The following DYM variants were observed in gnomAD, a reference collection of about 807,000 sequenced individuals.
The protein encoded by DYM is dyggve-Melchior-Clausen syndrome protein.
DYM carries 78 observed loss-of-function variants against 93.1 expected under a neutral mutation model. The observed-to-expected ratio is 0.84, with a 90% CI of 0.70 to 1.01. DYM has a LOEUF of 1.01. DYM is among the 50% of genes least tolerant of loss of function. The pLI, the probability that DYM is intolerant of heterozygous loss-of-function variation, is 0.00. For missense variants in DYM, 789 were observed against 845.0 expected, an observed-to-expected ratio of 0.93 and a Z score of 0.82; for synonymous variants, 321 against 319.7, an observed-to-expected ratio of 1.00 and a Z score of -0.04.
chr18:49,392,727 G>A lies in DYM; in HGVS notation c.141-1082C>T, dbSNP rs1313092718. On this transcript the variant is annotated intron_variant, in intron 2 of 17. Coordinates refer to ENST00000675505, the MANE Select transcript of DYM (RefSeq NM_001353214.3). ...AAAAAAAAAGAGGCCAGGCGAGGTG[G>A]GCTCACACCTGTAATCCCAGCACTT... Among the ~76,000 whole-genome samples the A allele has an allele frequency of 2.7e-5, 4 of 147,420 alleles. No homozygotes were observed. In the East Asian group the frequency reaches 8.0e-4, roughly 30 times the overall value.
intron 16 of DYM, among the ~76,000 whole-genome samples, chr18:49,107,422 C>T (rs111826203): frequency 9.9e-5 from 15 of 152,210 alleles, no homozygotes; most frequent in African/African-American, 2.2e-4. Context: ...AGTCATTCTC[C>T]GTCCAGCTTT....
chr18:49,222,804 C>A (rs2093412882), intron 13 of DYM, among the ~76,000 whole-genome samples: 1 of 152,102 alleles, frequency 6.6e-6, no homozygotes, highest in African/African-American at 2.4e-5. Flanking sequence ...TTCTTCTTTA[C>A]AGAAAAACTC....
At chr18:49,426,899 A>C (rs2074352586) in intron 2 of DYM, among the ~76,000 whole-genome samples, 1 of 152,112 alleles carries the variant, frequency 6.6e-6, no homozygotes, top group Admixed American at 6.6e-5. Flanking sequence ...AAAATTGGTA[A>C]AGAAAAAAAC....
At chr18:49,244,453 G>A (rs752574221) in intron 13 of DYM, among the ~76,000 whole-genome samples, 3 of 152,284 alleles carry the variant, frequency 2.0e-5, no homozygotes, top group South Asian at 2.1e-4. Flanking sequence ...TATATTAAAC[G>A]ACCAAGTACA....
chr18:49,053,836 G>A (rs556572632), intron 17 of DYM, among the ~76,000 whole-genome samples: 23 of 152,300 alleles, frequency 1.5e-4, no homozygotes, highest in African/African-American at 4.6e-4. Flanking sequence ...AGCTAAACAG[G>A]AGGCATTTGC....
intron 5 of DYM, among the ~76,000 whole-genome samples, chr18:49,371,545 C>G (rs2067045186): frequency 6.6e-6 from 1 of 152,014 alleles, no homozygotes; most frequent in South Asian, 2.1e-4. Flanking sequence ...TTTCCAAAAA[C>G]AAACAGCAGA....
intron 6 of DYM, among the ~76,000 whole-genome samples, chr18:49,346,970 A>G (rs1219443820): frequency 6.6e-6 from 1 of 152,206 alleles, no homozygotes; most frequent in African/African-American, 2.4e-5. Flanking sequence ...GAATACTTAA[A>G]TAAGCCTACA....
At chr18:49,337,413 C>T (rs191869697) in intron 6 of DYM, among the ~76,000 whole-genome samples, 2 of 152,294 alleles carry the variant, frequency 1.3e-5, no homozygotes, top group South Asian at 2.1e-4. Context: ...TGGTGATCCA[C>T]GTTTGGCCAA....
chr18:49,358,765 GAGA>G (rs1406158009), intron 6 of DYM, among the ~76,000 whole-genome samples: 4 of 152,130 alleles, frequency 2.6e-5, no homozygotes, highest in East Asian at 1.9e-4. Context: ...TGGCACTAGT[GAGA>G]AGGAGTGGGG....
At chr18:49,296,532 C>G (rs1438351212) in intron 8 of DYM, among the ~76,000 whole-genome samples, 1 of 151,888 alleles carries the variant, frequency 6.6e-6, no homozygotes, top group Non-Finnish European at 1.5e-5. Flanking sequence ...GAAACAGAGA[C>G]AGATAAATAA....
At chr18:49,275,514 G>T (rs1289648619) in intron 10 of DYM, among the ~76,000 whole-genome samples, 1 of 152,086 alleles carries the variant, frequency 6.6e-6, no homozygotes, top group African/African-American at 2.4e-5. Flanking sequence ...AGTCAACTAG[G>T]ATTCTAATAG....
At chr18:49,099,077 A>G (rs1317950988) in intron 16 of DYM, among the ~76,000 whole-genome samples, 2 of 152,226 alleles carry the variant, frequency 1.3e-5, no homozygotes, top group East Asian at 3.8e-4. Flanking sequence ...ACACCTATGC[A>G]TATTATCTTC....
At chr18:49,337,419 G>T (rs761923711) in intron 6 of DYM, among the ~76,000 whole-genome samples, 25 of 152,118 alleles carry the variant, frequency 1.6e-4, no homozygotes, top group Non-Finnish European at 3.5e-4. Context: ...TCCACGTTTG[G>T]CCAATAAAAA....
intron 17 of DYM, among the ~76,000 whole-genome samples, chr18:49,077,841 G>A (rs2077435068): frequency 2.6e-5 from 4 of 151,572 alleles, no homozygotes; most frequent in African/African-American, 9.7e-5. Flanking sequence ...TATTTTTATA[G>A]TTAAAGCATA....
intron 17 of DYM, among the ~76,000 whole-genome samples, chr18:49,096,627 T>A (rs1037591430): frequency 3.9e-5 from 6 of 152,244 alleles, no homozygotes; most frequent in Non-Finnish European, 7.3e-5. Context: ...CATTCATGCA[T>A]TCCCCAAAGG....
intron 14 of DYM, among the ~76,000 whole-genome samples, chr18:49,204,654 A>G (rs898422944): frequency 2.0e-5 from 3 of 152,242 alleles, no homozygotes; most frequent in African/African-American, 7.2e-5. Context: ...ACTTAAATGC[A>G]TGACAGTCAT....
chr18:49,085,724 C>G (rs1265756805), intron 17 of DYM, among the ~76,000 whole-genome samples: 1 of 149,700 alleles, frequency 6.7e-6, no homozygotes. Flanking sequence ...TCTCCTGCCT[C>G]GGCCTCCCAA....
chr18:49,391,226 T>C (rs956675290), intron 3 of DYM, among the ~76,000 whole-genome samples: 1 of 152,244 alleles, frequency 6.6e-6, no homozygotes, highest in East Asian at 1.9e-4. Flanking sequence ...TATCAAGTTG[T>C]TATGGAAACT....
At chr18:49,413,572 C>T (rs1241193412) in intron 2 of DYM, among the ~76,000 whole-genome samples, 2 of 152,050 alleles carry the variant, frequency 1.3e-5, no homozygotes, top group East Asian at 1.9e-4. Flanking sequence ...ACTAACAATG[C>T]TAAAGAGAAA....
Sources: gnomAD v4.1 joint callset for allele counts (sites outside exome capture counted in the v4.1 genomes callset) on GRCh38, gnomAD v4.1.1 for gene constraint, MANE v1.5 for transcripts, NCBI Gene and HGNC (gene_info 2026-07-23, HGNC 2026-07-21) for gene names.